C9: variants seen among roughly 807,000 people sequenced by gnomAD.
C9 encodes the protein complement C9, also known as complement component C9.
Under a neutral mutation model 65.4 loss-of-function variants are expected in C9, and 63 were observed. The observed-to-expected ratio is 0.96, with a 90% confidence interval of 0.79 to 1.19. The LOEUF is 1.19. C9 is among the 50% of genes most tolerant of loss of function. The pLI, the probability that C9 is intolerant of heterozygous loss-of-function variation, is 0.00. For missense variants in C9, 744 were observed against 670.1 expected (o/e 1.11, Z -1.22); for synonymous variants, 229 against 227.9 (o/e 1.00, Z -0.04).
chr5:39,338,262 A>T (rs190197436), intron 4 of C9, among the ~76,000 whole-genome samples: 1 of 152,300 alleles, frequency 6.6e-6, no homozygotes. Flanking sequence ...TGTCGAAGTT[A>T]AGACTTACGG....
intron 7 of C9, among the ~76,000 whole-genome samples, chr5:39,308,876 G>A (rs576098543): frequency 5.3e-5 from 8 of 152,260 alleles, no homozygotes; most frequent in African/African-American, 1.4e-4. Context: ...ACCCAGAGTT[G>A]TCTAGCTACT....
intron 10 of C9, 116 bp from the exon 11 acceptor site, chr5:39,285,349 T>C: frequency 1.3e-6 from 1 of 798,504 alleles, no homozygotes; most frequent in Non-Finnish European, 2.2e-6. Context: ...TGCCATACTG[T>C]CTAGGTACTG....
At chr5:39,311,422 A>T (rs2111887694) in intron 6 of C9, 45 bp from the exon 7 acceptor site, 1 of 1,593,556 alleles carries the variant, frequency 6.3e-7, no homozygotes. Flanking sequence ...TGTTTTATCC[A>T]CCATTTCAAA....
chr5:39,347,822 A>G (rs1440809198), intron 1 of C9, among the ~76,000 whole-genome samples: 27 of 152,198 alleles, frequency 1.8e-4, no homozygotes, highest in Non-Finnish European at 3.4e-4. Flanking sequence ...CAAAACAGAG[A>G]TATAGACCAA....
rs964812568 is a variant in C9 at position 39,302,251 on chromosome 5, T to G, written c.1416+4366A>C. Among the ~76,000 whole-genome samples the G allele has an allele frequency of 1.1e-4, 16 of 152,268 alleles. 2 individuals are homozygous for G. The South Asian group carries it at 2.1e-3, about 20-fold the overall frequency. On this transcript the variant is annotated intron_variant, in intron 9 of 10. Transcript: ENST00000263408. ...TTTTCTGATGAACTTTTATCTTCTA[T>G]TAAGTAAGAAAATGATTTTACTTTT...
At chr5:39,294,982 GC>G (rs2111849863) in intron 9 of C9, among the ~76,000 whole-genome samples, 2 of 151,920 alleles carry the variant, frequency 1.3e-5, no homozygotes, top group Non-Finnish European at 2.9e-5. Context: ...CTCAATAGAT[GC>G]AGAAAAACCA....
Position 39,359,098 on chromosome 5 carries a change from G to GTATATA in C9, c.77+5289_77+5290insTATATA, listed in dbSNP as rs1375624632. 2.9e-3 allele frequency among the ~76,000 whole-genome samples: 282 copies of GTATATA among 96,492 alleles called. 4 individuals are homozygous for GTATATA. Among genetic ancestry groups the GTATATA allele is most frequent in the Middle Eastern group, 0.014 (2 of 148 alleles). 63.3% of individuals were successfully genotyped at this position (96,492 alleles called of 152,430 possible). On this transcript the variant is annotated intron_variant, in intron 1 of 10. Transcript: ENST00000263408. ...TGTGTGTATATATATATGTGTGTGT[G>GTATATA]TGTGTATATATATATATATATATAT... is the stretch of plus-strand genomic sequence containing the variant.
chr5:39,341,124 A>G (rs1561350170), intron 4 of C9, 22 bp downstream of exon 4: 7 of 1,613,706 alleles, frequency 4.3e-6, no homozygotes, highest in Non-Finnish European at 5.1e-6. Context: ...TTCATCTGAA[A>G]AAGTACAAGT....
At chr5:39,310,603 A>T (rs79476280) in intron 7 of C9, among the ~76,000 whole-genome samples, 4,499 of 152,032 alleles carry the variant, frequency 0.03, 205 homozygotes, top group African/African-American at 0.1. Flanking sequence ...TTCAACCACC[A>T]CCATATAATG....
rs181729649 is a variant in C9, at chr5:39,291,279, T to A, written c.1417-2328A>T. On this transcript the variant is annotated intron_variant, in intron 9 of 10. Transcript: ENST00000263408. ...TAGATTTGAAAAAAAGAAACAAATATTAGAATACAAATTAGTGAATTAGTT... is the reference window on the plus strand; with the variant it reads ...TAGATTTGAAAAAAAGAAACAAATAATAGAATACAAATTAGTGAATTAGTT... Among the ~76,000 whole-genome samples the A allele has an allele frequency of 2.2e-3, 340 of 151,862 alleles. 1 individual carries two copies. The highest frequency in any genetic ancestry group is 7.9e-3 in the African/African-American group (326 of 41,438).
Position 39,284,937 on chromosome 5 carries a change from C to A in C9, c.*262G>T. 2.3e-6 allele frequency: 1 copy of A among 439,852 alleles called. No homozygotes were observed. The highest frequency in any genetic ancestry group is 4.3e-5 in the South Asian group (1 of 23,028). The allele number at this position is 439,852 out of a possible 1,614,324, so 27.2% of individuals were successfully genotyped here. On this transcript the variant is annotated 3_prime_UTR_variant, in exon 11 of 11. Transcript: ENST00000263408. The stretch of plus-strand genomic sequence containing the variant: ...TTTGTTTTTTTTTAGAAGAGATTGG[C>A]ATTTTCCGTGGGATAAAGCAGTTCT...
chr5:39,311,094 G>C, intron 7 of C9, 43 bp downstream of exon 7: 1 of 1,604,340 alleles, frequency 6.2e-7, no homozygotes, highest in African/African-American at 1.3e-5. Context: ...ATAATGTTTG[G>C]TCAAAACAGT....
intron 1 of C9, among the ~76,000 whole-genome samples, chr5:39,350,909 G>T (rs1185201408): frequency 6.6e-6 from 1 of 152,184 alleles, no homozygotes; most frequent in Non-Finnish European, 1.5e-5. Flanking sequence ...ACTCTGTGCA[G>T]GGGCTCAAAC....
chr5:39,326,181 T>C (rs174432), intron 5 of C9, among the ~76,000 whole-genome samples: 96,526 of 152,034 alleles, frequency 0.63, 31,933 homozygotes, highest in African/African-American at 0.84. Context: ...TATTATCATA[T>C]GATTTTATCA....
Position 39,285,122 on chromosome 5 carries a change from T to C in C9, c.*77A>G, listed in dbSNP as rs1752967666. The C allele has an allele frequency of 1.7e-6, 2 of 1,185,576 alleles. No individual in the cohort carries two copies. Among genetic ancestry groups the C allele is most frequent in the South Asian group, 2.4e-5 (2 of 82,516 alleles). The allele number at this position is 1,185,576 out of a possible 1,614,324, so 73.4% of individuals were successfully genotyped here. A position where few individuals can be genotyped will look rare whatever the true frequency, so the allele number is the denominator to read the frequency against. ...AGCATGTTGCTATTTACTTGGCAGC[T>C]AAGATTATCTTCAGGGGTAGGATCT... On this transcript the variant is annotated 3_prime_UTR_variant, in exon 11 of 11. Coordinates refer to ENST00000263408, the MANE Select transcript of C9 (RefSeq NM_001737.5).
At chr5:39,311,442 A>G in intron 6 of C9, 65 bp from the exon 7 acceptor site, 1 of 1,553,490 alleles carries the variant, frequency 6.4e-7, no homozygotes, top group South Asian at 1.1e-5. Flanking sequence ...ATGAAAATTT[A>G]TGAAATTTAG....
chr5:39,309,286 A>G (rs1242613043), intron 7 of C9, among the ~76,000 whole-genome samples: 1 of 152,016 alleles, frequency 6.6e-6, no homozygotes, highest in African/African-American at 2.4e-5. Flanking sequence ...ACACACACAC[A>G]TACACACGAA....
chr5:39,353,927 C>G (rs548101960), intron 1 of C9, among the ~76,000 whole-genome samples: 1 of 152,096 alleles, frequency 6.6e-6, no homozygotes, highest in Admixed American at 6.5e-5. Flanking sequence ...GGGTTTTGGC[C>G]AAATCTAGGC....
At chr5:39,354,630 T>G (rs1754383741) in intron 1 of C9, among the ~76,000 whole-genome samples, 2 of 152,192 alleles carry the variant, frequency 1.3e-5, no homozygotes, top group Admixed American at 6.5e-5. Flanking sequence ...CCTACTATGT[T>G]CCAGGTATTT....
Sources: allele counts gnomAD v4.1 joint callset (sites outside exome capture counted in the v4.1 genomes callset), GRCh38; gene constraint gnomAD v4.1.1; transcripts MANE v1.5; gene names NCBI Gene and HGNC (gene_info 2026-07-23, HGNC 2026-07-21).